CFAP77: variants seen among roughly 807,000 people sequenced by gnomAD.
CFAP77 encodes the protein cilia- and flagella-associated protein 77.
A neutral mutation model predicts 31.1 loss-of-function variants in CFAP77; 25 were observed. The observed-to-expected ratio is 0.80, with a 90% CI of 0.59 to 1.12. The LOEUF is 1.12. Among genes scored for constraint, CFAP77 ranks in the 50% most tolerant of loss-of-function variants. CFAP77 has a pLI of 0.00. For synonymous variants in CFAP77, 151 were observed against 159.9 expected (o/e 0.94, Z 0.42); for missense variants, 377 against 397.3 (o/e 0.95, Z 0.44).
intron 3 of CFAP77, among the ~76,000 whole-genome samples, chr9:132,531,395 G>A (rs1309162318): frequency 6.6e-6 from 1 of 152,184 alleles, no homozygotes; most frequent in Non-Finnish European, 1.5e-5. Context: ...CGCCGGACCA[G>A]GGCTGTCCTA....
chr9:132,433,852 T>G (rs919919790), intron 1 of CFAP77, among the ~76,000 whole-genome samples: 4 of 151,358 alleles, frequency 2.6e-5, no homozygotes, highest in Admixed American at 2.0e-4. Flanking sequence ...CCAACCTATT[T>G]ATTCATCTTT....
chr9:132,424,514 G>A lies in CFAP77; in HGVS notation c.195+14048G>A, dbSNP rs556686071. ...AGAGGAGGGACAGGTGTAGACAATG[G>A]CTAGACAAGGTGAGAAATTGGCTGC... On this transcript the variant is annotated intron_variant, in intron 1 of 5. Coordinates refer to ENST00000393216, the MANE Select transcript of CFAP77 (RefSeq NM_001282957.2). This position sits in a 1 kb window ranked among gnomAD's most constrained non-coding sequence, Gnocchi z 4.1. Among the ~76,000 whole-genome samples, 22 of 152,328 alleles carry A rather than the reference G, an allele frequency of 1.4e-4. No homozygotes were observed. The highest frequency in any genetic ancestry group is 4.6e-4 in the African/African-American group (19 of 41,588).
At chr9:132,452,264 C>T (rs539340283) in intron 1 of CFAP77, among the ~76,000 whole-genome samples, 58 of 152,330 alleles carry the variant, frequency 3.8e-4, no homozygotes, top group Non-Finnish European at 6.9e-4. Flanking sequence ...TTCTGCAGTT[C>T]GTGCCTTGAC....
intron 5 of CFAP77, among the ~76,000 whole-genome samples, chr9:132,561,786 G>A (rs1274106570): frequency 2.0e-5 from 3 of 152,178 alleles, no homozygotes; most frequent in Non-Finnish European, 4.4e-5. Flanking sequence ...CCAGGGCTGT[G>A]GCTGCCTGAA....
intron 1 of CFAP77, among the ~76,000 whole-genome samples, chr9:132,429,564 G>T (rs797016567): frequency 2.1e-5 from 3 of 142,252 alleles, no homozygotes; most frequent in Non-Finnish European, 4.5e-5. Flanking sequence ...AAAAAAAAAG[G>T]CCGGGCCCAG....
Position 132,565,033 on chromosome 9 carries a change from C to T in CFAP77, c.733-7355C>T, listed in dbSNP as rs1239733671. ...CGATATCACTAAGGTCTCTTCCAAA[C>T]CTAACTCTCTGGGAATATTTTATTC... On this transcript the variant is annotated intron_variant, in intron 5 of 5. Coordinates refer to ENST00000393216, the MANE Select transcript of CFAP77 (RefSeq NM_001282957.2). The surrounding 1 kb of genome is among the most constrained non-coding windows in gnomAD (Gnocchi z 4.1). Among the ~76,000 whole-genome samples, 44 of 151,998 alleles carry T rather than the reference C, an allele frequency of 2.9e-4. No individual in the cohort carries two copies. Among genetic ancestry groups the T allele is most frequent in the Non-Finnish European group, 6.3e-4 (43 of 68,004 alleles).
At chr9:132,506,474 C>T (rs1178401012) in intron 3 of CFAP77, among the ~76,000 whole-genome samples, 1 of 151,892 alleles carries the variant, frequency 6.6e-6, no homozygotes, top group African/African-American at 2.4e-5. Context: ...AGGGAGGGCC[C>T]GGCAGCAGCT....
chr9:132,465,538 T>C (rs1225198914), intron 1 of CFAP77, among the ~76,000 whole-genome samples: 1 of 152,128 alleles, frequency 6.6e-6, no homozygotes, highest in African/African-American at 2.4e-5. Context: ...ATGCCTGCAC[T>C]TGTAGCCGTT....
chr9:132,536,405 T>C (rs1327131322), intron 3 of CFAP77, among the ~76,000 whole-genome samples: 1 of 149,970 alleles, frequency 6.7e-6, no homozygotes, highest in Non-Finnish European at 1.5e-5. Flanking sequence ...TTTTTTTTTT[T>C]TTTTTGGAGA....
intron 1 of CFAP77, among the ~76,000 whole-genome samples, chr9:132,430,754 C>T (rs752124190): frequency 1.3e-5 from 2 of 152,076 alleles, no homozygotes; most frequent in Non-Finnish European, 1.5e-5. Context: ...GCCAAGTAAC[C>T]TCCTATCATA....
At chr9:132,458,530 T>C (rs1487899204) in intron 1 of CFAP77, among the ~76,000 whole-genome samples, 2 of 152,222 alleles carry the variant, frequency 1.3e-5, no homozygotes, top group African/African-American at 4.8e-5. Flanking sequence ...TTCCTCTTCA[T>C]AGGTCAGGTC....
intron 1 of CFAP77, among the ~76,000 whole-genome samples, chr9:132,493,878 CCTTTTCTTTT>C (rs544483059): frequency 1.3e-5 from 2 of 149,790 alleles, no homozygotes; most frequent in Non-Finnish European, 3.0e-5. Context: ...TCTTTTCTTT[CCTTTTCTTTT>C]CTTTTCTTTC....
At chr9:132,454,896 C>G (rs1471052348) in intron 1 of CFAP77, among the ~76,000 whole-genome samples, 1 of 152,114 alleles carries the variant, frequency 6.6e-6, no homozygotes, top group Non-Finnish European at 1.5e-5. Context: ...TTCTCCCCAC[C>G]CAAACCACAC....
In CFAP77 at chr9:132,481,968, G is replaced by A. The variant is rs60497137; in HGVS notation, c.196-16727G>A. 4.9e-5 allele frequency among the ~76,000 whole-genome samples: 7 copies of A among 144,006 alleles called. No individual in the cohort carries two copies. The highest frequency in any genetic ancestry group is 7.6e-5 in the Non-Finnish European group (5 of 65,964). The allele number at this position is 144,006 out of a possible 152,430, so 94.5% of individuals were successfully genotyped here. A position where few individuals can be genotyped will look rare whatever the true frequency, so the allele number is the denominator to read the frequency against. ...AACAAGGGTTTATGGTTGGGGGGGG[G>A]GGGGGCGGCGGAACACTGAACATTT... On this transcript the variant is annotated intron_variant, in intron 1 of 5. Transcript: ENST00000393216. The surrounding 1 kb of genome is among the most constrained non-coding windows in gnomAD (Gnocchi z 5.0).
At chr9:132,487,684 T>C (rs1412023181) in intron 1 of CFAP77, among the ~76,000 whole-genome samples, 2 of 151,628 alleles carry the variant, frequency 1.3e-5, no homozygotes, top group Non-Finnish European at 2.9e-5. Context: ...TTATACGCCT[T>C]TGATCACACA....
chr9:132,489,102 T>C (rs1312998409), intron 1 of CFAP77, among the ~76,000 whole-genome samples: 4 of 152,118 alleles, frequency 2.6e-5, no homozygotes, highest in Non-Finnish European at 4.4e-5. Flanking sequence ...CAACACCTCA[T>C]TGACAAGGGA....
At chr9:132,437,059 C>G (rs1850515314) in intron 1 of CFAP77, among the ~76,000 whole-genome samples, 1 of 152,126 alleles carries the variant, frequency 6.6e-6, no homozygotes, top group South Asian at 2.1e-4. Context: ...GAGACCTGCT[C>G]TTCATTTCGC....
At chr9:132,570,957 G>A (rs983156313) in intron 5 of CFAP77, among the ~76,000 whole-genome samples, 4 of 152,124 alleles carry the variant, frequency 2.6e-5, no homozygotes, top group East Asian at 1.9e-4. Context: ...AACACAGTCC[G>A]AGGGGGATTC....
chr9:132,492,225 C>T (rs747075545), intron 1 of CFAP77, among the ~76,000 whole-genome samples: 19 of 152,104 alleles, frequency 1.2e-4, no homozygotes, highest in Admixed American at 1.1e-3. Context: ...AATGTCGAGG[C>T]TGTAGCAAGC....
Sources: allele counts gnomAD v4.1 joint callset (sites outside exome capture counted in the v4.1 genomes callset), GRCh38; gene constraint gnomAD v4.1.1; non-coding constraint Gnocchi (gnomAD v3.1); transcripts MANE v1.5; gene names NCBI Gene and HGNC (gene_info 2026-07-23, HGNC 2026-07-21).